SEM1: variants seen among roughly 807,000 people sequenced by gnomAD.
SEM1 encodes the protein 26S proteasome complex subunit SEM1.
A neutral mutation model predicts 12.7 loss-of-function variants in SEM1; 3 were observed. The ratio of observed to expected loss-of-function variants is 0.24; its 90% CI spans 0.11 to 0.61. SEM1 has a LOEUF of 0.61. Ranked by LOEUF, SEM1 falls within the 20% of genes least tolerant of loss-of-function variation. The probability of loss-of-function intolerance (pLI) is 0.88; values close to 1 mark genes in which losing one functional copy is unlikely to be tolerated. For synonymous variants in SEM1, 30 were observed against 27.8 expected (o/e 1.08, Z -0.25); for missense variants, 59 against 81.3 (o/e 0.73, Z 1.06).
chr7:96,629,806 A>G (rs1383188265), intron 2 of SEM1, among the ~76,000 whole-genome samples: 3 of 152,156 alleles, frequency 2.0e-5, no homozygotes, highest in African/African-American at 7.2e-5. Flanking sequence ...ATTCAGAAGG[A>G]CTTGGGAGTT....
chr7:96,682,281 T>C (rs1424559984), intron 2 of SEM1, among the ~76,000 whole-genome samples: 2 of 152,110 alleles, frequency 1.3e-5, no homozygotes, highest in Non-Finnish European at 2.9e-5. Context: ...TAAGGAGATT[T>C]TGGGTTGAGA....
chr7:96,682,025 T>C (rs1260203004), intron 2 of SEM1, among the ~76,000 whole-genome samples: 1 of 152,174 alleles, frequency 6.6e-6, no homozygotes, highest in Non-Finnish European at 1.5e-5. Context: ...GAGGATGGAA[T>C]GTTTTTCCAT....
downstream of SEM1, among the ~76,000 whole-genome samples, chr7:96,672,339 C>A (rs979352680): frequency 1.3e-5 from 2 of 152,150 alleles, no homozygotes; most frequent in African/African-American, 4.8e-5. Context: ...TCCATTATTA[C>A]GATAAATGCA....
intron 2 of SEM1, among the ~76,000 whole-genome samples, chr7:96,551,705 C>CA (rs56316029): frequency 3.9e-3 from 326 of 83,956 alleles, no homozygotes; most frequent in South Asian, 0.01. Context: ...GACTCTGTCT[C>CA]AAAAAAAAAA....
intron 2 of SEM1, among the ~76,000 whole-genome samples, chr7:96,567,496 AT>A (rs71127461): frequency 2.0e-5 from 3 of 150,444 alleles, no homozygotes; most frequent in African/African-American, 7.3e-5. Flanking sequence ...AAACCTTTGT[AT>A]TTTTTTTCCT....
chr7:96,643,277 T>C (rs1808672880), intron 2 of SEM1, among the ~76,000 whole-genome samples: 1 of 152,176 alleles, frequency 6.6e-6, no homozygotes, highest in Admixed American at 6.5e-5. Flanking sequence ...GCAAAGGGCA[T>C]GATCTCATTC....
chr7:96,529,873 C>T (rs371204197), intron 2 of SEM1, among the ~76,000 whole-genome samples: 8 of 152,062 alleles, frequency 5.3e-5, no homozygotes, highest in African/African-American at 9.7e-5. Flanking sequence ...GCTTTCACTG[C>T]GGTACTAATG....
chr7:96,535,825 A>G (rs1804770143), intron 2 of SEM1, among the ~76,000 whole-genome samples: 1 of 151,940 alleles, frequency 6.6e-6, no homozygotes, highest in African/African-American at 2.4e-5. Flanking sequence ...ATTCCATGGT[A>G]TACATGTACC....
chr7:96,695,330 C>G (rs1201378515), intron 1 of SEM1: 1 of 152,782 alleles, frequency 6.5e-6, no homozygotes, highest in Non-Finnish European at 1.5e-5. Context: ...TGTAAGCCAC[C>G]ACTAGTATCT....
chr7:96,649,750 G>C (rs1008653431), intron 2 of SEM1: 2 of 152,170 alleles, frequency 1.3e-5, no homozygotes, highest in African/African-American at 4.8e-5. Flanking sequence ...ACCAAGCCCT[G>C]CTCCCATGTT....
At chr7:96,658,649 T>C (rs897577953) in intron 2 of SEM1, among the ~76,000 whole-genome samples, 26 of 152,266 alleles carry the variant, frequency 1.7e-4, no homozygotes, top group Admixed American at 8.5e-4. Context: ...TGCACAACTA[T>C]TGTTGAAGAG....
At chr7:96,599,720 C>A (rs902747065) in intron 2 of SEM1, among the ~76,000 whole-genome samples, 1 of 152,152 alleles carries the variant, frequency 6.6e-6, no homozygotes, top group Non-Finnish European at 1.5e-5. Flanking sequence ...CTGACCCACA[C>A]GCATCCTGGG....
intron 2 of SEM1, among the ~76,000 whole-genome samples, chr7:96,691,246 A>AG: frequency 6.6e-6 from 1 of 152,314 alleles, no homozygotes; most frequent in Non-Finnish European, 1.5e-5. Flanking sequence ...TGTTAAAGGT[A>AG]ATTACACGGA....
intron 2 of SEM1, among the ~76,000 whole-genome samples, chr7:96,529,200 C>T (rs1424530057): frequency 1.3e-5 from 2 of 152,022 alleles, no homozygotes; most frequent in Non-Finnish European, 2.9e-5. Context: ...TTCCTTCCCT[C>T]CTCCCAATCT....
At chr7:96,697,639 T>C (rs1790139364) in intron 1 of SEM1, among the ~76,000 whole-genome samples, 1 of 152,236 alleles carries the variant, frequency 6.6e-6, no homozygotes, top group East Asian at 1.9e-4. Flanking sequence ...CAACCTAATC[T>C]CCAACCAAGT....
intron 2 of SEM1, among the ~76,000 whole-genome samples, chr7:96,517,861 C>A (rs1487655934): frequency 6.6e-6 from 1 of 152,084 alleles, no homozygotes; most frequent in East Asian, 1.9e-4. Flanking sequence ...GTAGTCAAAT[C>A]TGCTAGTCCT....
downstream of SEM1, chr7:96,622,449 A>G: frequency 1.8e-6 from 1 of 541,584 alleles, no homozygotes; most frequent in South Asian, 2.9e-5. Flanking sequence ...GGAGAAGTCA[A>G]GAAATATCAG....
At chr7:96,709,585 CT>C in intron 1 of SEM1, 102 bp downstream of exon 1, 1 of 1,119,410 alleles carries the variant, frequency 8.9e-7, no homozygotes, top group Non-Finnish European at 1.3e-6. Flanking sequence ...GGAGTCCAAA[CT>C]TCCCGCCGGT....
chr7:96,606,027 G>A (rs1807367634), intron 2 of SEM1, among the ~76,000 whole-genome samples: 1 of 152,116 alleles, frequency 6.6e-6, no homozygotes, highest in South Asian at 2.1e-4. Flanking sequence ...TTGTGTTCAA[G>A]TCACCCTTAT....
Sources: allele counts gnomAD v4.1 joint callset (sites outside exome capture counted in the v4.1 genomes callset), GRCh38; gene constraint gnomAD v4.1.1; transcripts MANE v1.5; gene names NCBI Gene and HGNC (gene_info 2026-07-23, HGNC 2026-07-21).